Variants in PYGM observed in about 807,000 individuals in gnomAD.
PYGM encodes the protein glycogen phosphorylase, muscle form.
In PYGM, 81 loss-of-function variants were observed where a neutral mutation model predicts 99.3. The ratio of observed to expected loss-of-function variants is 0.82; its 90% CI spans 0.68 to 0.98. The LOEUF (loss-of-function observed/expected upper bound fraction) is 0.98. PYGM is among the 50% of genes least tolerant of loss of function. The pLI is 0.00. For synonymous variants in PYGM, 436 were observed against 451.5 expected, an observed-to-expected ratio of 0.97 and a Z score of 0.44; for missense variants, 1,030 against 1,158.1, an observed-to-expected ratio of 0.89 and a Z score of 1.61.
chr11:64,757,779 CTG>C lies in PYGM; in HGVS notation c.658_659del (p.Gln220GlyfsTer32), dbSNP rs766199191. Reference sequence around the variant, plus strand: ...CCCTGACCCCCAGCTTCATCCTCACCTGTGTGTCCACCCACTTGGCACCCTGG... The same window carrying C: ...CCCTGACCCCCAGCTTCATCCTCACCTGTGTCCACCCACTTGGCACCCTGG... Reference protein sequence around the residue: ...TSQGAKWVDTQVVLAMPYDTP... With the variant: ...TSQGAKWVDTXVVLAMPYDTP... On this transcript the variant is annotated frameshift_variant and splice_region_variant, in exon 5 of 20. Coordinates refer to ENST00000164139, the MANE Select transcript of PYGM (RefSeq NM_005609.4). LOFTEE classifies it high-confidence loss of function. 4 of 1,614,052 alleles carry C rather than the reference CTG, an allele frequency of 2.5e-6. No homozygotes were observed. Among genetic ancestry groups the C allele is most frequent in the African/African-American group, 2.7e-5 (2 of 74,942 alleles).
rs1273020379 is a variant in PYGM at position 64,754,175 on chromosome 11, T to C, written c.1092+78A>G. 3.8e-6 allele frequency: 6 copies of C among 1,578,556 alleles called. No individual in the cohort carries two copies. The highest frequency in any genetic ancestry group is 4.5e-5 in the East Asian group (2 of 44,648). ...CTCTGATCCCTTCACTCCATTCATA[T>C]CCTCCCACGCTCCCAAACTGGGAAG... On this transcript the variant is annotated intron_variant, in intron 9 of 19. Transcript: ENST00000164139. This position sits in a 1 kb window ranked among gnomAD's most constrained non-coding sequence, Gnocchi z 5.5.
chr11:64,746,716 C>A lies in PYGM; in HGVS notation c.2472G>T (p.Glu824Asp). 1.2e-6 allele frequency: 2 copies of A among 1,614,196 alleles called. No individual in the cohort carries two copies. Among genetic ancestry groups the A allele is most frequent in the Non-Finnish European group, 1.7e-6 (2 of 1,180,040 alleles). ...SDRTIAQYAR[E>D]IWGVEPSRQR... ...GGCGGGAAGGCTCCACACCCCAGAT[C>A]TCCCGGGCATACTGGGCAATGGTGC... Residue 824 changes from glutamate to aspartate, a missense_variant, in exon 20 of 20, where the codon GAG becomes GAT. Coordinates refer to ENST00000164139, the MANE Select transcript of PYGM (RefSeq NM_005609.4).
In PYGM at chr11:64,746,593, G is replaced by C. The variant is rs1187298009; in HGVS notation, c.*66C>G. The stretch of plus-strand genomic sequence containing the variant: ...CTCCAGTACCCCACCCTCTGCATGA[G>C]GTGCTGGGGCTGGCCCAAGAGAGTG... On this transcript the variant is annotated 3_prime_UTR_variant, in exon 20 of 20. Coordinates refer to ENST00000164139, the MANE Select transcript of PYGM (RefSeq NM_005609.4). 2 of 1,602,840 alleles carry C rather than the reference G, an allele frequency of 1.2e-6. No individual in the cohort carries two copies. Among genetic ancestry groups the C allele is most frequent in the African/African-American group, 2.7e-5 (2 of 74,756 alleles).
Position 64,746,464 on chromosome 11 carries a change from CG to C in PYGM, c.*194del. The C allele has an allele frequency of 1.4e-6, 1 of 716,640 alleles. No homozygotes were observed. Among genetic ancestry groups the C allele is most frequent in the Non-Finnish European group, 2.3e-6 (1 of 431,902 alleles). The allele number at this position is 716,640 out of a possible 1,614,324, so 44.4% of individuals were successfully genotyped here. A position where few individuals can be genotyped will look rare whatever the true frequency, so the allele number is the denominator to read the frequency against. ...TCAGACCCCATAAATAGGAGGGGACCGGGAGCCCGAGGACGGAAGGGGGCCC... is the reference window on the plus strand; with the variant it reads ...TCAGACCCCATAAATAGGAGGGGACCGGAGCCCGAGGACGGAAGGGGGCCC... On this transcript the variant is annotated 3_prime_UTR_variant, in exon 20 of 20. Transcript: ENST00000164139.
In PYGM at chr11:64,752,024, G is replaced by C. The variant is rs771619843; in HGVS notation, c.1668C>G (p.Val556=). ...CGAAGAGTGAGTTGGGGTTGATGTG[G>C]ACTTTGTATTCCCTCTCTAGGTAGG... The part of the protein sequence containing the change: ...FAAYLEREYK[V]HINPNSLFDI... The change falls in exon 14 of 20, where the codon GTC becomes GTG. Residue 556 remains valine (V), a synonymous_variant. Coordinates refer to ENST00000164139, the MANE Select transcript of PYGM (RefSeq NM_005609.4). 3.1e-6 allele frequency: 5 copies of C among 1,614,140 alleles called. No individual in the cohort carries two copies. The East Asian group carries it at 8.9e-5, about 29-fold the overall frequency.
At position 64,754,101 on chromosome 11, in the gene PYGM, G is replaced by GC. The variant is rs899053170; in HGVS notation, c.1093-77dup. On this transcript the variant is annotated intron_variant, in intron 9 of 19. Coordinates refer to ENST00000164139, the MANE Select transcript of PYGM (RefSeq NM_005609.4). This position sits in a 1 kb window ranked among gnomAD's most constrained non-coding sequence, Gnocchi z 5.5. The stretch of plus-strand genomic sequence containing the variant: ...CCTCACACACTACGCATCCCAGTGG[G>GC]CCCCCCCACTGCAGTGCCAGGTTCC... The GC allele has an allele frequency of 2.6e-5, 42 of 1,603,028 alleles. No homozygotes were observed. Among genetic ancestry groups the GC allele is most frequent in the East Asian group, 1.1e-4 (5 of 44,502 alleles).
In PYGM at chr11:64,753,913, T is replaced by G. The variant is rs2135833836; in HGVS notation, c.1205A>C (p.Gln402Pro). Reference sequence around the variant, plus strand: ...GCGCTGGTTGATCTCGTAGATGATCTGGAGGTGCCGCGGCAGCAGCGTCTC... The same window carrying G: ...GCGCTGGTTGATCTCGTAGATGATCGGGAGGTGCCGCGGCAGCAGCGTCTC... ...LLETLLPRHLQIIYEINQRFL... is the reference protein window; with the variant it reads ...LLETLLPRHLPIIYEINQRFL... Residue 402 changes from glutamine (Q) to proline (P), a missense_variant, in exon 10 of 20, where the codon CAG becomes CCG. Physicochemically the swap from Gln to Pro is moderately conservative, Grantham distance 76. Coordinates refer to ENST00000164139, the MANE Select transcript of PYGM (RefSeq NM_005609.4). 1.9e-6 allele frequency: 3 copies of G among 1,590,228 alleles called. No homozygotes were observed. Among genetic ancestry groups the G allele is most frequent in the Non-Finnish European group, 2.6e-6 (3 of 1,167,902 alleles).
intron 13 of PYGM, 141 bp from the exon 14 acceptor site, chr11:64,752,212 A>G: frequency 7.3e-7 from 1 of 1,370,058 alleles, no homozygotes; most frequent in Non-Finnish European, 1.0e-6. Flanking sequence ...CAGGGCAGAC[A>G]TTGCTAATCA....
chr11:64,752,654 G>T (rs1352718564), intron 12 of PYGM, 150 bp from the exon 13 acceptor site: 3 of 784,052 alleles, frequency 3.8e-6, no homozygotes, highest in Non-Finnish European at 6.5e-6. Context: ...CCGCCCAGAT[G>T]GGGCACGGGG....
intron 17 of PYGM, among the ~76,000 whole-genome samples, chr11:64,750,122 C>T (rs1017310089): frequency 1.2e-4 from 19 of 152,154 alleles, no homozygotes; most frequent in Non-Finnish European, 2.9e-5. Context: ...TTCCATTTCC[C>T]AAACAATATT....
In PYGM at chr11:64,755,574, C is replaced by T. The variant is rs1286140272; in HGVS notation, c.661-16G>A. On this transcript the variant is annotated splice_polypyrimidine_tract_variant and intron_variant, in intron 5 of 19. Transcript: ENST00000164139. The surrounding 1 kb of genome is among the most constrained non-coding windows in gnomAD (Gnocchi z 4.1). ...CCAGTACCACCTGCGGGGGGCAATC[C>T]TGTCAGGAGCTGGCCAGCCCTGGCA... 1 of 1,604,936 alleles carries T rather than the reference C, an allele frequency of 6.2e-7. No homozygotes were observed.
chr11:64,755,247 A>G lies in PYGM; in HGVS notation c.855+26T>C. ...CCTGCTGCCAAGGACTCAGGCTTCC[A>G]GCCCCCAGCCCAGGGGGTGACGCAC... On this transcript the variant is annotated intron_variant, in intron 7 of 19. Coordinates refer to ENST00000164139, the MANE Select transcript of PYGM (RefSeq NM_005609.4). The surrounding 1 kb of genome is among the most constrained non-coding windows in gnomAD (Gnocchi z 4.1). 6.2e-7 allele frequency: 1 copy of G among 1,609,120 alleles called. No individual in the cohort carries two copies. Among genetic ancestry groups the G allele is most frequent in the East Asian group, 2.2e-5 (1 of 44,848 alleles).
In PYGM at chr11:64,746,619, T is replaced by C; in HGVS notation, c.*40A>G. The C allele has an allele frequency of 6.2e-7, 1 of 1,613,216 alleles. No homozygotes were observed. Among genetic ancestry groups the C allele is most frequent in the African/African-American group, 1.3e-5 (1 of 75,036 alleles). ...GTGCTGGGGCTGGCCCAAGAGAGTG[T>C]GACAGACTCAAGGGCTGGTTTGGGG... On this transcript the variant is annotated 3_prime_UTR_variant, in exon 20 of 20. Transcript: ENST00000164139.
chr11:64,753,439 G>A, intron 11 of PYGM, 80 bp downstream of exon 11: 1 of 1,494,962 alleles, frequency 6.7e-7, no homozygotes, highest in Non-Finnish European at 8.9e-7. Context: ...AGTGGTCGGT[G>A]AAGGGCGGGG....
chr11:64,754,475 C>T lies in PYGM; in HGVS notation c.1000-130G>A, dbSNP rs1246247253. The T allele has an allele frequency of 6.0e-5, 34 of 565,584 alleles. No homozygotes were observed. The highest frequency in any genetic ancestry group is 4.7e-4 in the South Asian group (27 of 56,962). The allele number at this position is 565,584 out of a possible 1,614,324, so 35.0% of individuals were successfully genotyped here. On this transcript the variant is annotated intron_variant, in intron 8 of 19. Transcript: ENST00000164139. This position sits in a 1 kb window ranked among gnomAD's most constrained non-coding sequence, Gnocchi z 5.5. ...GACTGGGCTGTGGGCAGAGGCAGGC[C>T]GGTGCTCATGGGGGTGGGAGGAATG...
rs774752187 is a variant in PYGM, at chr11:64,753,549, C to T, written c.1373G>A (p.Arg458His). Residue 458 changes from arginine to histidine, a missense_variant, in exon 11 of 20, where the codon CGC becomes CAC. By Grantham distance (29) the Arg-to-His change is conservative. Transcript: ENST00000164139. The part of the protein sequence containing the change: ...AGSHAVNGVA[R>H]IHSEILKKTI... Reference sequence around the variant, plus strand: ...CTTCTTGAGGATCTCGGAGTGGATGCGCGCCACGCCGTTGACGGCGTGCGA... The same window carrying T: ...CTTCTTGAGGATCTCGGAGTGGATGTGCGCCACGCCGTTGACGGCGTGCGA... 18 of 1,597,238 alleles carry T rather than the reference C, an allele frequency of 1.1e-5. No individual in the cohort carries two copies. Among genetic ancestry groups the T allele is most frequent in the South Asian group, 8.9e-5 (8 of 89,460 alleles).
Position 64,754,682 on chromosome 11 carries a change from A to T in PYGM, c.999+11T>A. On this transcript the variant is annotated intron_variant, in intron 8 of 19. Transcript: ENST00000164139. This position sits in a 1 kb window ranked among gnomAD's most constrained non-coding sequence, Gnocchi z 5.5. ...GTCCGGTCACAGAGTCGCCCTCCAC[A>T]CGCATGGTACCTTATCTGGGAAGGC... The T allele has an allele frequency of 6.2e-7, 1 of 1,612,804 alleles. No individual in the cohort carries two copies. The highest frequency in any genetic ancestry group is 1.1e-5 in the South Asian group (1 of 90,936).
Position 64,753,554 on chromosome 11 carries a change from C to T in PYGM, c.1368G>A (p.Val456=), listed in dbSNP as rs776368157. The change falls in exon 11 of 20, where the codon GTG becomes GTA. Residue 456 remains valine (V), a synonymous_variant. Coordinates refer to ENST00000164139, the MANE Select transcript of PYGM (RefSeq NM_005609.4). The part of the protein sequence containing the change: ...CIAGSHAVNG[V]ARIHSEILKK... ...TGAGGATCTCGGAGTGGATGCGCGC[C>T]ACGCCGTTGACGGCGTGCGACCCCG... The T allele has an allele frequency of 5.0e-6, 8 of 1,599,988 alleles. No homozygotes were observed. Among genetic ancestry groups the T allele is most frequent in the Non-Finnish European group, 6.8e-6 (8 of 1,176,386 alleles).
chr11:64,749,535 G>T (rs575538122), intron 17 of PYGM, among the ~76,000 whole-genome samples: 1 of 151,078 alleles, frequency 6.6e-6, no homozygotes, highest in African/African-American at 2.4e-5. Context: ...CCAGCTACTC[G>T]GGAGGTAGAG....
Sources: allele counts gnomAD v4.1 joint callset (sites outside exome capture counted in the v4.1 genomes callset), GRCh38; gene constraint gnomAD v4.1.1; non-coding constraint Gnocchi (gnomAD v3.1); transcripts MANE v1.5; gene names NCBI Gene and HGNC (gene_info 2026-07-23, HGNC 2026-07-21).